The following UNC13C variants were observed in gnomAD, a reference collection of about 807,000 sequenced individuals.
UNC13C encodes the protein unc-13 homolog C, also known as protein unc-13 homolog C.
UNC13C carries 174 observed loss-of-function variants against 245.4 expected under a neutral mutation model. The observed-to-expected ratio is 0.71, with a 90% CI of 0.63 to 0.80. The LOEUF is 0.80. Ranked by LOEUF, UNC13C falls within the 30% of genes least tolerant of loss-of-function variation. UNC13C has a pLI of 0.00. For missense variants in UNC13C, 2,829 were observed against 2,602.9 expected, an observed-to-expected ratio of 1.09 and a Z score of -1.89; for synonymous variants, 992 against 895.1, an observed-to-expected ratio of 1.11 and a Z score of -1.93.
At chr15:54,613,744 G>C (rs750442955) in intron 30 of UNC13C, among the ~76,000 whole-genome samples, 5 of 151,852 alleles carry the variant, frequency 3.3e-5, no homozygotes, top group Non-Finnish European at 5.9e-5. Context: ...GGTTTATCAT[G>C]TTTAATTTAC....
chr15:53,956,322 A>G, the UNC13C span, among the ~76,000 whole-genome samples: 3 of 152,136 alleles, frequency 2.0e-5, no homozygotes, highest in African/African-American at 4.8e-5. Context: ...ACCTGAATCT[A>G]AAATAAAAGT....
At chr15:54,096,862 A>T (rs535885147) in intron 2 of UNC13C, among the ~76,000 whole-genome samples, 124 of 152,328 alleles carry the variant, frequency 8.1e-4, no homozygotes, top group African/African-American at 2.8e-3. Flanking sequence ...ATATGTTTTT[A>T]ATATTCAAAA....
intron 2 of UNC13C, among the ~76,000 whole-genome samples, chr15:54,058,770 T>C (rs1357985673): frequency 6.6e-6 from 1 of 152,084 alleles, no homozygotes; most frequent in East Asian, 1.9e-4. Context: ...ACCATGATCA[T>C]GTGGGCTTCA....
intron 2 of UNC13C, among the ~76,000 whole-genome samples, chr15:54,054,665 T>C (rs1180653452): frequency 2.6e-5 from 4 of 152,174 alleles, no homozygotes; most frequent in Admixed American, 2.6e-4. Flanking sequence ...ACTGGTTTTA[T>C]AATGTACTAT....
At chr15:54,525,857 C>T (rs567137762) in intron 25 of UNC13C, among the ~76,000 whole-genome samples, 1 of 152,306 alleles carries the variant, frequency 6.6e-6, no homozygotes, top group African/African-American at 2.4e-5. Flanking sequence ...GGTCGGATAA[C>T]ACCTATAACA....
intron 17 of UNC13C, among the ~76,000 whole-genome samples, chr15:54,382,524 C>G (rs1422771017): frequency 6.6e-6 from 1 of 151,970 alleles, no homozygotes; most frequent in Non-Finnish European, 1.5e-5. Context: ...TTGCAGTGAG[C>G]CAACATTGAG....
intron 2 of UNC13C, among the ~76,000 whole-genome samples, chr15:54,042,903 G>A (rs7164554): frequency 0.017 from 2,642 of 152,136 alleles, 79 homozygotes; most frequent in African/African-American, 0.059. Flanking sequence ...AATCTACTGC[G>A]CATAACATTG....
chr15:54,540,847 C>T (rs1896213119), intron 26 of UNC13C, among the ~76,000 whole-genome samples: 2 of 151,876 alleles, frequency 1.3e-5, no homozygotes, highest in Non-Finnish European at 2.9e-5. Flanking sequence ...GTGAGCTGAC[C>T]GTAAACACAA....
chr15:54,201,163 T>A (rs1197934100), intron 4 of UNC13C, among the ~76,000 whole-genome samples: 1 of 151,762 alleles, frequency 6.6e-6, no homozygotes, highest in Admixed American at 6.6e-5. Flanking sequence ...AAGATTAAAA[T>A]GGTAATAAAA....
At chr15:53,920,096 A>G in the UNC13C span, among the ~76,000 whole-genome samples, 28 of 151,898 alleles carry the variant, frequency 1.8e-4, no homozygotes, top group South Asian at 3.3e-3. Context: ...GATAATGTTC[A>G]TAATTAATCA....
In UNC13C at chr15:54,322,204, T is replaced by G; in HGVS notation, c.4425+109T>G. On this transcript the variant is annotated intron_variant, in intron 14 of 32. Transcript: ENST00000260323. ...GGAATCTTATTGCAGAAAGGACATT[T>G]TAGGGAATAGCGTAATGGGTTCCAG... 4.4e-6 allele frequency: 5 copies of G among 1,124,046 alleles called. No homozygotes were observed. In the South Asian group the frequency reaches 9.0e-5, roughly 20 times the overall value. The allele number at this position is 1,124,046 out of a possible 1,614,324, so 69.6% of individuals were successfully genotyped here. A position where few individuals can be genotyped will look rare whatever the true frequency, so the allele number is the denominator to read the frequency against.
intron 14 of UNC13C, among the ~76,000 whole-genome samples, chr15:54,329,542 C>G (rs1408125691): frequency 6.6e-6 from 1 of 151,858 alleles, no homozygotes; most frequent in Non-Finnish European, 1.5e-5. Flanking sequence ...TTTTAATCAC[C>G]CAGTCTTTCG....
At chr15:54,371,670 A>T (rs1278717656) in intron 17 of UNC13C, among the ~76,000 whole-genome samples, 2 of 151,950 alleles carry the variant, frequency 1.3e-5, no homozygotes, top group Non-Finnish European at 2.9e-5. Context: ...TTATGGCTTT[A>T]CCACAGCTTT....
intron 2 of UNC13C, among the ~76,000 whole-genome samples, chr15:54,075,452 AGCTTGCAGTGAGCCG>A (rs1898554170): frequency 7.4e-6 from 1 of 135,014 alleles, no homozygotes; most frequent in Non-Finnish European, 1.6e-5. Context: ...AGTGAGCCGG[AGCTTGCAGTGAGCCG>A]GAGCTTGCAG....
At chr15:54,290,148 C>A (rs8038466) in intron 10 of UNC13C, among the ~76,000 whole-genome samples, 86,216 of 151,882 alleles carry the variant, frequency 0.57, 26,557 homozygotes, top group African/African-American at 0.82. Context: ...TAAAACTGTA[C>A]GTTTCTGACA....
chr15:54,393,210 AT>A, intron 18 of UNC13C, 29 bp downstream of exon 18: 1 of 1,482,478 alleles, frequency 6.7e-7, no homozygotes, highest in Non-Finnish European at 9.0e-7. Flanking sequence ...AAATGAATGG[AT>A]TTTATTCCAC....
At chr15:53,888,535 C>T in the UNC13C span, among the ~76,000 whole-genome samples, 1 of 152,158 alleles carries the variant, frequency 6.6e-6, no homozygotes, top group Non-Finnish European at 1.5e-5. Context: ...TTTTGCTGTG[C>T]AGAAGGTCTT....
At chr15:53,992,709 G>A (rs1894446042) in intron 1 of UNC13C, among the ~76,000 whole-genome samples, 1 of 152,064 alleles carries the variant, frequency 6.6e-6, no homozygotes, top group Admixed American at 6.6e-5. Flanking sequence ...TCCTGGACCT[G>A]GTGCTCAGCT....
intron 18 of UNC13C, 23 bp from the exon 19 acceptor site, chr15:54,414,959 T>G (rs1567252217): frequency 1.3e-6 from 2 of 1,596,342 alleles, no homozygotes; most frequent in Non-Finnish European, 1.7e-6. Context: ...CTTCATACAC[T>G]AATACAATGT....
Sources: gnomAD v4.1 joint callset for allele counts (sites outside exome capture counted in the v4.1 genomes callset) on GRCh38, gnomAD v4.1.1 for gene constraint, MANE v1.5 for transcripts, NCBI Gene and HGNC (gene_info 2026-07-23, HGNC 2026-07-21) for gene names.